Variants in NIM1K observed in about 807,000 individuals in gnomAD.
NIM1K encodes serine/threonine-protein kinase NIM1.
Under a neutral mutation model 37.1 loss-of-function variants are expected in NIM1K, and 35 were observed. The ratio of observed to expected loss-of-function variants is 0.94; its 90% CI spans 0.72 to 1.25. NIM1K has a LOEUF of 1.25. NIM1K is among the 50% of genes most tolerant of loss of function. The pLI is 0.00. For synonymous variants in NIM1K, 234 were observed against 206.6 expected (o/e 1.13, Z -1.14); for missense variants, 564 against 548.0 (o/e 1.03, Z -0.29).
intron 1 of NIM1K, among the ~76,000 whole-genome samples, chr5:43,208,405 A>C (rs4326151): frequency 0.18 from 27,698 of 151,996 alleles, 2,582 homozygotes; most frequent in Middle Eastern, 0.25. Flanking sequence ...GAGTTCGAGA[A>C]CAGCCTGACC....
At position 43,245,493 on chromosome 5, in the gene NIM1K, T is replaced by C. The variant is rs1752762377; in HGVS notation, c.-283T>C. The C allele has an allele frequency of 6.3e-6, 2 of 314,998 alleles. No individual in the cohort carries two copies. Among genetic ancestry groups the C allele is most frequent in the Middle Eastern group, 8.5e-4 (1 of 1,180 alleles). The allele number at this position is 314,998 out of a possible 1,614,324, so 19.5% of individuals were successfully genotyped here. A position where few individuals can be genotyped will look rare whatever the true frequency, so the allele number is the denominator to read the frequency against. ...CCATCAGGCCAGTGGGTATGTAACA[T>C]GTGCCTAATTGTACAGCTAGAGCCT... On this transcript the variant is annotated 5_prime_UTR_variant, in exon 2 of 4. The change abolishes an upstream ATG in the 5' untranslated region. Transcript: ENST00000326035.
intron 1 of NIM1K, chr5:43,232,832 TC>T: frequency 1.1e-5 from 11 of 1,029,038 alleles, no homozygotes; most frequent in Non-Finnish European, 1.7e-5. Flanking sequence ...AGGTCAGTGA[TC>T]TCCTGGCCAA....
chr5:43,199,354 T>C (rs1751985406), intron 1 of NIM1K, among the ~76,000 whole-genome samples: 2 of 151,744 alleles, frequency 1.3e-5, no homozygotes, highest in Non-Finnish European at 2.9e-5. Flanking sequence ...CGCTTTGGCC[T>C]GCAGTTAACT....
chr5:43,276,333 T>C (rs986225565), intron 2 of NIM1K, among the ~76,000 whole-genome samples: 7 of 152,210 alleles, frequency 4.6e-5, no homozygotes, highest in African/African-American at 7.2e-5. Flanking sequence ...CATCACACTG[T>C]GAAAGCAGGA....
At chr5:43,264,984 ATCTGCTGTTAG>A (rs1399730129) in intron 2 of NIM1K, among the ~76,000 whole-genome samples, 1 of 152,156 alleles carries the variant, frequency 6.6e-6, no homozygotes, top group African/African-American at 2.4e-5. Context: ...CTGCCGAGAG[ATCTGCTGTTAG>A]TCTGATGGGC....
chr5:43,198,733 G>C (rs1751973621), intron 1 of NIM1K, among the ~76,000 whole-genome samples: 1 of 152,192 alleles, frequency 6.6e-6, no homozygotes, highest in South Asian at 2.1e-4. Flanking sequence ...GTGAAGCACA[G>C]ACCCTGAGGT....
chr5:43,245,766 C>T lies in NIM1K; in HGVS notation c.-10C>T, dbSNP rs768113467. ...CTTCGCTGAGATGGAGACGTGAGCC[C>T]CCGTGGACGATGACTGCAGTGTATA... On this transcript the variant is annotated 5_prime_UTR_variant, in exon 2 of 4. Transcript: ENST00000326035. 1 of 1,567,556 alleles carries T rather than the reference C, an allele frequency of 6.4e-7. No individual in the cohort carries two copies. Among genetic ancestry groups the T allele is most frequent in the South Asian group, 1.2e-5 (1 of 83,914 alleles).
intron 2 of NIM1K, among the ~76,000 whole-genome samples, chr5:43,260,109 A>T (rs1221079860): frequency 1.3e-5 from 2 of 152,042 alleles, no homozygotes. Flanking sequence ...AAAAGAGAAA[A>T]ATCTACGAGT....
chr5:43,262,529 G>A (rs1753047210), intron 2 of NIM1K, among the ~76,000 whole-genome samples: 2 of 152,130 alleles, frequency 1.3e-5, no homozygotes, highest in African/African-American at 4.8e-5. Flanking sequence ...GGGTTTTCTA[G>A]ATATACAATC....
chr5:43,239,432 G>T (rs1246541788), intron 1 of NIM1K, among the ~76,000 whole-genome samples: 2 of 151,984 alleles, frequency 1.3e-5, no homozygotes, highest in South Asian at 2.1e-4. Context: ...TAGAGTCTGG[G>T]TTTCACTATG....
chr5:43,258,591 G>A (rs565809313), intron 2 of NIM1K, among the ~76,000 whole-genome samples: 3 of 152,144 alleles, frequency 2.0e-5, no homozygotes, highest in African/African-American at 7.2e-5. Context: ...ACAGGGGCAT[G>A]CCATCATGCC....
intron 2 of NIM1K, among the ~76,000 whole-genome samples, chr5:43,261,668 A>T (rs886838191): frequency 5.9e-5 from 9 of 152,000 alleles, no homozygotes; most frequent in African/African-American, 1.2e-4. Flanking sequence ...GGTGTTTTAG[A>T]CATGAAGTCC....
intron 2 of NIM1K, among the ~76,000 whole-genome samples, chr5:43,269,615 AT>A (rs1277666858): frequency 1.3e-5 from 2 of 150,078 alleles, no homozygotes; most frequent in Non-Finnish European, 3.0e-5. Flanking sequence ...TATTGTTTTT[AT>A]TTTTTTATTT....
chr5:43,272,549 GATTTTA>G (rs1753272968), intron 2 of NIM1K, among the ~76,000 whole-genome samples: 1 of 152,116 alleles, frequency 6.6e-6, no homozygotes, highest in African/African-American at 2.4e-5. Flanking sequence ...AGGAGGGCCT[GATTTTA>G]TTCCCCCAGC....
chr5:43,238,235 G>A (rs1168135236), intron 1 of NIM1K, among the ~76,000 whole-genome samples: 215 of 150,386 alleles, frequency 1.4e-3, no homozygotes, highest in African/African-American at 5.2e-3. Context: ...GTAGAGATGG[G>A]GTTTCACTGT....
intron 1 of NIM1K, among the ~76,000 whole-genome samples, chr5:43,238,367 C>T (rs539962676): frequency 4.6e-5 from 7 of 152,034 alleles, no homozygotes; most frequent in African/African-American, 1.7e-4. Flanking sequence ...ATTTCCAAGA[C>T]AGCTCTTTCT....
chr5:43,235,029 C>A (rs896217232), intron 1 of NIM1K, among the ~76,000 whole-genome samples: 4 of 152,188 alleles, frequency 2.6e-5, no homozygotes, highest in Non-Finnish European at 5.9e-5. Context: ...ACCTTTTTAA[C>A]CATTTTAAAC....
At chr5:43,218,356 T>C (rs1361533729) in intron 1 of NIM1K, among the ~76,000 whole-genome samples, 1 of 152,272 alleles carries the variant, frequency 6.6e-6, no homozygotes, top group East Asian at 1.9e-4. Context: ...ATATTTTGCA[T>C]TGCTATAAAG....
intron 1 of NIM1K, among the ~76,000 whole-genome samples, chr5:43,198,192 T>C (rs1751953193): frequency 1.1e-4 from 5 of 47,370 alleles, no homozygotes; most frequent in Admixed American, 5.9e-4. Flanking sequence ...TCTTTCTTTC[T>C]TTCTTTCTTT....
Sources: allele counts gnomAD v4.1 joint callset (sites outside exome capture counted in the v4.1 genomes callset), GRCh38; gene constraint gnomAD v4.1.1; transcripts MANE v1.5; gene names NCBI Gene and HGNC (gene_info 2026-07-23, HGNC 2026-07-21).